TSHZ3: variants seen among roughly 807,000 people sequenced by gnomAD.
TSHZ3 encodes the protein teashirt zinc finger homeobox 3.
TSHZ3 carries 10 observed loss-of-function variants against 64.5 expected under a neutral mutation model. The ratio of observed to expected loss-of-function variants is 0.16; its 90% CI spans 0.10 to 0.26. TSHZ3 has a LOEUF of 0.26. Ranked by LOEUF, TSHZ3 falls within the 10% of genes least tolerant of loss-of-function variation. The pLI, the probability that TSHZ3 is intolerant of heterozygous loss-of-function variation, is 1.00. For synonymous variants in TSHZ3, 608 were observed against 593.1 expected, an observed-to-expected ratio of 1.03 and a Z score of -0.36; for missense variants, 1,242 against 1,421.7, an observed-to-expected ratio of 0.87 and a Z score of 2.03.
intron 1 of TSHZ3, among the ~76,000 whole-genome samples, chr19:31,348,089 C>A (rs62102623): frequency 5.9e-5 from 9 of 152,190 alleles, no homozygotes; most frequent in African/African-American, 1.9e-4. Flanking sequence ...CTCTGCACAT[C>A]TGAGTGTTAC....
intron 1 of TSHZ3, among the ~76,000 whole-genome samples, chr19:31,307,745 G>T (rs1354053841): frequency 6.6e-6 from 1 of 152,210 alleles, no homozygotes; most frequent in Non-Finnish European, 1.5e-5. Context: ...GTGTCAAGCA[G>T]CCTGCCTTCC....
exon 6 of TSHZ3, among the ~76,000 whole-genome samples, chr19:31,156,372 G>T (rs1392144280): frequency 6.6e-6 from 1 of 152,180 alleles, no homozygotes; most frequent in Non-Finnish European, 1.5e-5. Flanking sequence ...TTTTCCTAAA[G>T]GCAGTAGGTC....
rs539278393 is a variant in TSHZ3 at position 31,247,873 on chromosome 19, T to C, written n.64-4998A>G. Among the ~76,000 whole-genome samples, 22 of 151,460 alleles carry C rather than the reference T, an allele frequency of 1.5e-4. 1 individual carries two copies. In the South Asian group the frequency reaches 4.4e-3, roughly 30 times the overall value. On this transcript the variant is annotated intron_variant and non_coding_transcript_variant, in intron 1 of 6. Transcript: ENST00000651361. ...CAATTACAGTGTGTGTGTGTGTGTG[T>C]ATGTATGTATGTATTAGTCTGTTTT...
At chr19:31,160,589 C>A (rs765510252) in intron 5 of TSHZ3, among the ~76,000 whole-genome samples, 2 of 152,090 alleles carry the variant, frequency 1.3e-5, no homozygotes, top group Non-Finnish European at 2.9e-5. Flanking sequence ...CAGGGAAAGG[C>A]CTCAGCTTCT....
intron 5 of TSHZ3, among the ~76,000 whole-genome samples, chr19:31,187,701 T>C (rs1301214345): frequency 1.3e-5 from 2 of 152,146 alleles, no homozygotes; most frequent in Non-Finnish European, 2.9e-5. Flanking sequence ...AGACTGCCCT[T>C]TTCTCATTGA....
At chr19:31,193,384 T>G (rs775018296) in intron 5 of TSHZ3, among the ~76,000 whole-genome samples, 10 of 152,184 alleles carry the variant, frequency 6.6e-5, no homozygotes, top group Non-Finnish European at 1.3e-4. Flanking sequence ...TCTGTGGCCA[T>G]GTCCCCAGAT....
At chr19:31,173,356 T>C (rs1271959723) in intron 5 of TSHZ3, among the ~76,000 whole-genome samples, 2 of 152,220 alleles carry the variant, frequency 1.3e-5, no homozygotes, top group Non-Finnish European at 2.9e-5. Flanking sequence ...GACTACCTTG[T>C]TTGTTGTGAA....
chr19:31,234,398 G>T (rs1975580033), intron 3 of TSHZ3, among the ~76,000 whole-genome samples: 1 of 151,998 alleles, frequency 6.6e-6, no homozygotes, highest in Non-Finnish European at 1.5e-5. Flanking sequence ...GCATTGGCTA[G>T]GACATCCAGT....
chr19:31,200,364 G>C (rs1486722338), intron 5 of TSHZ3, among the ~76,000 whole-genome samples: 4 of 152,064 alleles, frequency 2.6e-5, no homozygotes, highest in African/African-American at 9.7e-5. Flanking sequence ...TAAAAGTCTG[G>C]TACATCTTGA....
intron 1 of TSHZ3, among the ~76,000 whole-genome samples, chr19:31,336,180 A>G (rs562631132): frequency 6.6e-6 from 1 of 152,318 alleles, no homozygotes; most frequent in African/African-American, 2.4e-5. Context: ...CTGAAAAGCA[A>G]CTCCAGATAT....
intron 5 of TSHZ3, among the ~76,000 whole-genome samples, chr19:31,183,133 T>C (rs1974743821): frequency 6.6e-6 from 1 of 151,886 alleles, no homozygotes; most frequent in South Asian, 2.1e-4. Flanking sequence ...CCTGCAGATT[T>C]AGGACCTGAC....
chr19:31,213,622 G>A (rs1339108563), intron 4 of TSHZ3, among the ~76,000 whole-genome samples: 1 of 152,160 alleles, frequency 6.6e-6, no homozygotes, highest in Non-Finnish European at 1.5e-5. Flanking sequence ...TACCACCCTG[G>A]TGGGGGATGT....
rs148526201 is a variant in TSHZ3, at chr19:31,169,713, C to T, written n.810-13296G>A. Among the ~76,000 whole-genome samples the T allele has an allele frequency of 7.9e-5, 12 of 152,196 alleles. No homozygotes were observed. In the South Asian group the frequency reaches 8.3e-4, roughly 11 times the overall value. On this transcript the variant is annotated intron_variant and non_coding_transcript_variant, in intron 5 of 6. Coordinates refer to the TSHZ3 transcript ENST00000651361. ...CCCTGAGTCTGTGCCGCAGCAACAC[C>T]GAGCAATGCTGTGATCTTCCAGAAT...
At chr19:31,230,007 T>A (rs981894073) in intron 3 of TSHZ3, among the ~76,000 whole-genome samples, 14 of 152,166 alleles carry the variant, frequency 9.2e-5, no homozygotes, top group Non-Finnish European at 1.9e-4. Flanking sequence ...TTCTTTAAAA[T>A]ATGTGTAGTT....
At chr19:31,158,999 T>G (rs1186006643) in intron 5 of TSHZ3, among the ~76,000 whole-genome samples, 1 of 152,010 alleles carries the variant, frequency 6.6e-6, no homozygotes, top group Non-Finnish European at 1.5e-5. Context: ...TCTTCTACGT[T>G]TGTTTGTTTG....
chr19:31,295,030 A>G (rs1260066960), intron 1 of TSHZ3, among the ~76,000 whole-genome samples: 1 of 152,196 alleles, frequency 6.6e-6, no homozygotes, highest in Non-Finnish European at 1.5e-5. Context: ...CCCCTCAACA[A>G]TAACAAAAAA....
intron 1 of TSHZ3, among the ~76,000 whole-genome samples, chr19:31,322,860 T>C (rs1916814002): frequency 1.3e-5 from 2 of 152,252 alleles, no homozygotes; most frequent in African/African-American, 2.4e-5. Flanking sequence ...TTAGTTACCT[T>C]CTTCCCAGCC....
intron 1 of TSHZ3, among the ~76,000 whole-genome samples, chr19:31,328,987 T>C (rs1344105018): frequency 6.6e-6 from 1 of 152,182 alleles, no homozygotes; most frequent in African/African-American, 2.4e-5. Flanking sequence ...GTCAACTTCC[T>C]GTACAGGGGC....
At chr19:31,173,954 G>A (rs1490480342) in intron 5 of TSHZ3, among the ~76,000 whole-genome samples, 3 of 152,268 alleles carry the variant, frequency 2.0e-5, no homozygotes, top group East Asian at 3.9e-4. Context: ...TGTAATCCCA[G>A]CTACTCGGGA....
Sources: allele counts gnomAD v4.1 joint callset (sites outside exome capture counted in the v4.1 genomes callset), GRCh38; gene constraint gnomAD v4.1.1; transcripts MANE v1.5; gene names NCBI Gene and HGNC (gene_info 2026-07-23, HGNC 2026-07-21).